Variants in ERC2 observed in about 807,000 individuals in gnomAD.
The protein encoded by ERC2 is ELKS/RAB6-interacting/CAST family member 2.
Under a neutral mutation model 114.8 loss-of-function variants are expected in ERC2, and 42 were observed. The observed-to-expected ratio is 0.37, with a 90% CI of 0.29 to 0.47. The LOEUF is 0.47. ERC2 is among the 20% of genes least tolerant of loss of function. The pLI, the probability that ERC2 is intolerant of heterozygous loss-of-function variation, is 0.99. For synonymous variants in ERC2, 454 were observed against 425.5 expected, an observed-to-expected ratio of 1.07 and a Z score of -0.82; for missense variants, 939 against 1,150.7, an observed-to-expected ratio of 0.82 and a Z score of 2.66.
At chr3:56,010,356 G>T in intron 9 of ERC2, 93 bp downstream of exon 9, 1 of 1,413,128 alleles carries the variant, frequency 7.1e-7, no homozygotes, top group Non-Finnish European at 9.6e-7. Context: ...CCTTCATACA[G>T]TGCCTCCTAC....
At chr3:55,513,552 A>T (rs1342976451) in intron 17 of ERC2, among the ~76,000 whole-genome samples, 1 of 152,138 alleles carries the variant, frequency 6.6e-6, no homozygotes, top group Non-Finnish European at 1.5e-5. Flanking sequence ...GAAGTCTCAC[A>T]TATACTGCAG....
Position 55,906,006 on chromosome 3 carries a change from T to C in ERC2, c.2404-17457A>G, listed in dbSNP as rs570792816. Among the ~76,000 whole-genome samples, 28 of 152,314 alleles carry C rather than the reference T, an allele frequency of 1.8e-4. No individual in the cohort carries two copies. The South Asian group carries it at 5.8e-3, about 32-fold the overall frequency. On this transcript the variant is annotated intron_variant, in intron 13 of 17. Coordinates refer to ENST00000288221, the MANE Select transcript of ERC2 (RefSeq NM_015576.3). The stretch of plus-strand genomic sequence containing the variant: ...GACTTTACTTAAGAATTTCCTTCTA[T>C]GTACCTTCCCATTTCCTTCACAAGG...
At chr3:56,216,400 G>T (rs1478758895) in intron 3 of ERC2, among the ~76,000 whole-genome samples, 1 of 152,172 alleles carries the variant, frequency 6.6e-6, no homozygotes, top group Non-Finnish European at 1.5e-5. Flanking sequence ...TAGAAGAAAT[G>T]GATAAATTCC....
At chr3:56,218,540 T>C (rs9834432) in intron 3 of ERC2, among the ~76,000 whole-genome samples, 6,669 of 152,294 alleles carry the variant, frequency 0.044, 200 homozygotes, top group African/African-American at 0.082. Context: ...ACACTGTTGG[T>C]GGGACTGTAA....
Position 56,026,606 on chromosome 3 carries a change from G to C in ERC2, c.1642-7575C>G, listed in dbSNP as rs543048466. On this transcript the variant is annotated intron_variant, in intron 7 of 17. Transcript: ENST00000288221. ...CTACAAGCCAGGCACTGTACTAAAAGCTTTCTTTTTGACATTTTATTTTGA... is the reference window on the plus strand; with the variant it reads ...CTACAAGCCAGGCACTGTACTAAAACCTTTCTTTTTGACATTTTATTTTGA... Among the ~76,000 whole-genome samples, 11 of 152,214 alleles carry C rather than the reference G, an allele frequency of 7.2e-5. No homozygotes were observed. In the South Asian group the frequency reaches 2.3e-3, roughly 32 times the overall value.
chr3:55,694,646 G>C (rs2062837273), intron 16 of ERC2, among the ~76,000 whole-genome samples: 1 of 152,174 alleles, frequency 6.6e-6, no homozygotes, highest in African/African-American at 2.4e-5. Context: ...GTTTTCTCTT[G>C]GGCTTTCAAA....
intron 3 of ERC2, among the ~76,000 whole-genome samples, chr3:56,282,853 A>G (rs182634739): frequency 6.6e-5 from 10 of 152,288 alleles, no homozygotes; most frequent in African/African-American, 2.4e-4. Context: ...GTCATTTTAG[A>G]TCATTCTCTC....
chr3:56,006,865 A>G (rs2072533774), intron 10 of ERC2, among the ~76,000 whole-genome samples: 1 of 152,072 alleles, frequency 6.6e-6, no homozygotes, highest in South Asian at 2.1e-4. Flanking sequence ...TGTTGAAAAC[A>G]TTTCTATTTT....
At chr3:56,450,201 T>C (rs577120020) in intron 1 of ERC2, among the ~76,000 whole-genome samples, 2 of 152,300 alleles carry the variant, frequency 1.3e-5, no homozygotes, top group South Asian at 4.1e-4. Context: ...TATCCACACA[T>C]CAGTACTCTC....
At chr3:56,167,626 G>A (rs1351029619) in intron 4 of ERC2, among the ~76,000 whole-genome samples, 2 of 151,982 alleles carry the variant, frequency 1.3e-5, no homozygotes, top group Non-Finnish European at 2.9e-5. Context: ...TTTATATTGG[G>A]GGGTCCAGTT....
chr3:55,552,103 A>G (rs1489655281), intron 17 of ERC2, among the ~76,000 whole-genome samples: 3 of 152,218 alleles, frequency 2.0e-5, no homozygotes, highest in Non-Finnish European at 4.4e-5. Flanking sequence ...CTCAACTGTG[A>G]GAAACCTGGC....
At chr3:55,835,654 G>T (rs981542340) in intron 14 of ERC2, among the ~76,000 whole-genome samples, 7 of 152,168 alleles carry the variant, frequency 4.6e-5, no homozygotes, top group East Asian at 3.9e-4. Context: ...TCATACTGAA[G>T]GGGCAAAAAC....
intron 14 of ERC2, among the ~76,000 whole-genome samples, chr3:55,847,457 T>TGACATCCAA (rs1351428763): frequency 5.9e-5 from 9 of 152,222 alleles, no homozygotes; most frequent in Admixed American, 5.9e-4. Context: ...GAGATACACT[T>TGACATCCAA]GACATCCATT....
At chr3:56,385,851 T>C (rs1451493229) in intron 2 of ERC2, among the ~76,000 whole-genome samples, 1 of 152,160 alleles carries the variant, frequency 6.6e-6, no homozygotes, top group African/African-American at 2.4e-5. Context: ...AGAACTACCA[T>C]GAATGGGACA....
rs71096493 is a variant in ERC2 at position 55,651,014 on chromosome 3, ATTTTT to A, written c.*39+32775_*39+32779del. 7.6e-3 allele frequency among the ~76,000 whole-genome samples: 731 copies of A among 96,326 alleles called. 4 individuals are homozygous for A. Among genetic ancestry groups the A allele is most frequent in the African/African-American group, 0.029 (693 of 23,788 alleles). The allele number at this position is 96,326 out of a possible 152,430, so 63.2% of individuals were successfully genotyped here. A position where few individuals can be genotyped will look rare whatever the true frequency, so the allele number is the denominator to read the frequency against. ...AGGCATCCGCCATCACACCCAGCTA[ATTTTT>A]TTTTTTTTTTTTTTTTTTTGTAGTA... On this transcript the variant is annotated intron_variant, in intron 17 of 17. Transcript: ENST00000288221.
chr3:56,377,808 A>G (rs992562045), intron 2 of ERC2, among the ~76,000 whole-genome samples: 3 of 152,050 alleles, frequency 2.0e-5, no homozygotes, highest in Non-Finnish European at 2.9e-5. Context: ...ACTTGAGCCC[A>G]GTAGTTCCAA....
At chr3:55,809,708 A>G (rs777378775) in intron 14 of ERC2, among the ~76,000 whole-genome samples, 1 of 152,198 alleles carries the variant, frequency 6.6e-6, no homozygotes, top group Non-Finnish European at 1.5e-5. Context: ...AAAGTATCAA[A>G]GTCCCCACTG....
intron 14 of ERC2, among the ~76,000 whole-genome samples, chr3:55,866,544 C>A (rs1470835574): frequency 1.3e-5 from 2 of 151,390 alleles, no homozygotes; most frequent in Non-Finnish European, 3.0e-5. Context: ...TTATATAACC[C>A]AAGTTCACCA....
At chr3:55,895,361 G>A (rs1189522644) in intron 13 of ERC2, among the ~76,000 whole-genome samples, 7 of 152,154 alleles carry the variant, frequency 4.6e-5, no homozygotes, top group Admixed American at 3.9e-4. Context: ...AACCCTAGAC[G>A]TTACTGACCT....
Sources: allele counts gnomAD v4.1 joint callset (sites outside exome capture counted in the v4.1 genomes callset), GRCh38; gene constraint gnomAD v4.1.1; transcripts MANE v1.5; gene names NCBI Gene and HGNC (gene_info 2026-07-23, HGNC 2026-07-21).